STPG2: variants seen among roughly 807,000 people sequenced by gnomAD.
The protein encoded by STPG2 is sperm-tail PG-rich repeat-containing protein 2.
A neutral mutation model predicts 54.2 loss-of-function variants in STPG2; 56 were observed. The observed-to-expected ratio is 1.03, with a 90% confidence interval of 0.83 to 1.29. STPG2 has a LOEUF of 1.29. Among genes scored for constraint, STPG2 ranks in the 50% most tolerant of loss-of-function variants. STPG2 has a pLI of 0.00. For missense variants in STPG2, 596 were observed against 544.9 expected, an observed-to-expected ratio of 1.09 and a Z score of -0.93; for synonymous variants, 200 against 181.8, an observed-to-expected ratio of 1.10 and a Z score of -0.81.
chr4:97,761,719 C>A (rs1725895381), intron 9 of STPG2, among the ~76,000 whole-genome samples: 1 of 152,086 alleles, frequency 6.6e-6, no homozygotes, highest in African/African-American at 2.4e-5. Context: ...GACTTTTGCC[C>A]TCTAATTAAG....
intron 5 of STPG2, among the ~76,000 whole-genome samples, chr4:98,032,696 A>G (rs1401082232): frequency 6.6e-6 from 1 of 152,192 alleles, no homozygotes; most frequent in Admixed American, 6.5e-5. Context: ...ATTGGAAGTA[A>G]AACACTCCTC....
intron 10 of STPG2, among the ~76,000 whole-genome samples, chr4:97,641,703 A>T (rs76312544): frequency 6.6e-6 from 1 of 151,468 alleles, no homozygotes; most frequent in Admixed American, 6.6e-5. Context: ...TGAAAAAAAA[A>T]TTGAACATAC....
chr4:97,448,799 A>G (rs1307914632), intron 4 of STPG2, among the ~76,000 whole-genome samples: 1 of 152,170 alleles, frequency 6.6e-6, no homozygotes, highest in Non-Finnish European at 1.5e-5. Context: ...GTTCTAGAGT[A>G]GGAGTGATTT....
At chr4:97,596,244 G>A (rs1015828426) in intron 10 of STPG2, among the ~76,000 whole-genome samples, 2 of 152,034 alleles carry the variant, frequency 1.3e-5, no homozygotes, top group Admixed American at 1.3e-4. Context: ...TCCAATACAG[G>A]AGCACCAGAT....
intron 9 of STPG2, among the ~76,000 whole-genome samples, chr4:97,822,305 C>A (rs60378349): frequency 6.6e-6 from 1 of 152,260 alleles, no homozygotes; most frequent in East Asian, 1.9e-4. Context: ...TCATCTGAGA[C>A]CTTGTCAGCC....
At chr4:97,556,368 T>C (rs537859110), downstream of STPG2, among the ~76,000 whole-genome samples, 1 of 152,190 alleles carries the variant, frequency 6.6e-6, no homozygotes, top group Non-Finnish European at 1.5e-5. Context: ...AATTCCATCC[T>C]TCAGAAATTT....
chr4:97,546,339 TAGAC>T (rs1731832696), intron 4 of STPG2, among the ~76,000 whole-genome samples: 1 of 152,090 alleles, frequency 6.6e-6, no homozygotes, highest in South Asian at 2.1e-4. Context: ...TATTAGAAAG[TAGAC>T]AGATATTACA....
chr4:97,784,942 C>G (rs1009943890), intron 9 of STPG2, among the ~76,000 whole-genome samples: 2 of 151,894 alleles, frequency 1.3e-5, no homozygotes, highest in Non-Finnish European at 2.9e-5. Context: ...TGTATCTCTT[C>G]AAAGAACCAC....
At chr4:97,784,709 A>G (rs113440255) in intron 9 of STPG2, among the ~76,000 whole-genome samples, 1,876 of 3,726 alleles carry the variant, frequency 0.5, 32 homozygotes, top group African/African-American at 0.51. Flanking sequence ...ATAGTATTAC[A>G]AAGAAAAAAA....
chr4:98,136,790 T>C (rs574077783), intron 1 of STPG2, among the ~76,000 whole-genome samples: 1 of 151,766 alleles, frequency 6.6e-6, no homozygotes, highest in Admixed American at 6.6e-5. Flanking sequence ...TATTTGAAGG[T>C]AGACTGCAAT....
intron 5 of STPG2, among the ~76,000 whole-genome samples, chr4:98,009,682 T>C (rs566534405): frequency 6.6e-6 from 1 of 152,168 alleles, no homozygotes; most frequent in South Asian, 2.1e-4. Context: ...GAAAGTGTGG[T>C]ATTGAAGTCC....
At chr4:97,944,268 T>C (rs1733114566) in intron 7 of STPG2, among the ~76,000 whole-genome samples, 1 of 152,054 alleles carries the variant, frequency 6.6e-6, no homozygotes, top group Admixed American at 6.6e-5. Flanking sequence ...TTAAACATAT[T>C]AGCTATGTTC....
chr4:97,599,172 G>A (rs905419638), intron 10 of STPG2, among the ~76,000 whole-genome samples: 4 of 152,116 alleles, frequency 2.6e-5, no homozygotes, highest in Admixed American at 6.5e-5. Context: ...AGCACTGATC[G>A]TTAGAGAAAT....
intron 8 of STPG2, among the ~76,000 whole-genome samples, chr4:97,868,721 G>C (rs147164647): frequency 6.6e-6 from 1 of 151,614 alleles, no homozygotes; most frequent in African/African-American, 2.4e-5. Flanking sequence ...TTTTTTTCCT[G>C]CACAGCTGTT....
intron 10 of STPG2, among the ~76,000 whole-genome samples, chr4:97,650,827 A>C (rs1269678945): frequency 1.3e-5 from 2 of 152,146 alleles, no homozygotes; most frequent in Non-Finnish European, 2.9e-5. Flanking sequence ...ATTTCAAAAT[A>C]TGGAGAAGAA....
chr4:97,443,315 A>C (rs1729136825), intron 4 of STPG2, among the ~76,000 whole-genome samples: 1 of 152,198 alleles, frequency 6.6e-6, no homozygotes, highest in African/African-American at 2.4e-5. Context: ...CTTGTAGTCT[A>C]ATAAGGCAGG....
intron 7 of STPG2, among the ~76,000 whole-genome samples, chr4:97,953,040 C>A (rs1411163261): frequency 1.3e-5 from 2 of 152,116 alleles, no homozygotes; most frequent in African/African-American, 4.8e-5. Flanking sequence ...ACGGGCAGAG[C>A]TATAGAGCTC....
intron 5 of STPG2, among the ~76,000 whole-genome samples, chr4:98,105,276 T>C (rs1739157746): frequency 6.6e-6 from 1 of 152,150 alleles, no homozygotes; most frequent in Non-Finnish European, 1.5e-5. Context: ...TCGGTTAAAG[T>C]TTTCCTTTTA....
At chr4:97,460,517 C>T (rs1050467295) in intron 4 of STPG2, among the ~76,000 whole-genome samples, 7 of 151,888 alleles carry the variant, frequency 4.6e-5, no homozygotes, top group African/African-American at 1.7e-4. Context: ...TTGTGCATCT[C>T]TTCTCCATTT....
Sources: gnomAD v4.1 joint callset for allele counts (sites outside exome capture counted in the v4.1 genomes callset) on GRCh38, gnomAD v4.1.1 for gene constraint, MANE v1.5 for transcripts, NCBI Gene and HGNC (gene_info 2026-07-23, HGNC 2026-07-21) for gene names.